The following TFPI2 variants were observed in gnomAD, a reference collection of about 807,000 sequenced individuals.
TFPI2 encodes the protein placental protein 5.
Under a neutral mutation model 23.1 loss-of-function variants are expected in TFPI2, and 23 were observed. That is an observed-to-expected ratio of 1.00 (90% CI 0.72 to 1.41). The LOEUF (loss-of-function observed/expected upper bound fraction) is 1.41, where lower values mean the gene tolerates loss of function less well. Among genes scored for constraint, TFPI2 ranks in the 40% most tolerant of loss-of-function variants. TFPI2 has a pLI of 0.00. For missense variants in TFPI2, 291 were observed against 299.6 expected (o/e 0.97, Z 0.21); for synonymous variants, 119 against 111.7 (o/e 1.07, Z -0.41).
Position 93,887,362 on chromosome 7 carries a change from T to C in TFPI2, c.530A>G (p.Asn177Ser). 6.2e-7 allele frequency: 1 copy of C among 1,613,888 alleles called. No individual in the cohort carries two copies. The highest frequency in any genetic ancestry group is 8.5e-7 in the Non-Finnish European group (1 of 1,179,844). The stretch of plus-strand genomic sequence containing the variant: ...AGCATCACAGGTTCTGTATCTTGGA[T>C]TAAAATAATAGCGAGTCACATTGGC... Reference protein sequence around the residue: ...CSANVTRYYFNPRYRTCDAFT... With the variant: ...CSANVTRYYFSPRYRTCDAFT... Residue 177 changes from asparagine (N) to serine (S), a missense_variant, in exon 4 of 5, where the codon AAT becomes AGT. Transcript: ENST00000222543.
At chr7:93,887,926 C>A (rs1182359187) in intron 3 of TFPI2, among the ~76,000 whole-genome samples, 2 of 152,232 alleles carry the variant, frequency 1.3e-5, no homozygotes, top group African/African-American at 4.8e-5. Flanking sequence ...CACATTAACT[C>A]AAGATTTTGC....
intron 4 of TFPI2, 108 bp from the exon 5 acceptor site, chr7:93,887,004 G>T (rs1794005706): frequency 7.9e-6 from 7 of 883,024 alleles, no homozygotes; most frequent in Non-Finnish European, 1.0e-5. Context: ...TTATTTTTAA[G>T]GACTGTGAAG....
At chr7:93,887,681 G>A (rs1215517173) in intron 3 of TFPI2, among the ~76,000 whole-genome samples, 1 of 152,162 alleles carries the variant, frequency 6.6e-6, no homozygotes, top group Non-Finnish European at 1.5e-5. Flanking sequence ...TCCTTTAAAT[G>A]TAAAAAGAAG....
chr7:93,886,814 G>T lies in TFPI2; in HGVS notation c.*6C>A. On this transcript the variant is annotated 3_prime_UTR_variant, in exon 5 of 5. Transcript: ENST00000222543. Reference sequence around the variant, plus strand: ...AAAGACAAACAAGATGACATATTAAGAATGTTTAAAATTGCTTCTTCCGAA... The same window carrying T: ...AAAGACAAACAAGATGACATATTAATAATGTTTAAAATTGCTTCTTCCGAA... 1.3e-6 allele frequency: 2 copies of T among 1,540,422 alleles called. No individual in the cohort carries two copies. Among genetic ancestry groups the T allele is most frequent in the Non-Finnish European group, 8.7e-7 (1 of 1,150,804 alleles).
rs754410994 is a variant in TFPI2, at chr7:93,888,590, A to AAAGAGAAAGAAAGAAAGAAG, written c.460+444_460+445insCTTCTTTCTTTCTTTCTCTT. On this transcript the variant is annotated intron_variant, in intron 3 of 4. Coordinates refer to ENST00000222543, the MANE Select transcript of TFPI2 (RefSeq NM_006528.4). ...GAAGGAAGGAAGGAAGGAAGGAAAG[A>AAAGAGAAAGAAAGAAAGAAG]GAAAGAAAGAAAGAAAGAGAAAAAG... 7.1e-5 allele frequency among the ~76,000 whole-genome samples: 3 copies of AAAGAGAAAGAAAGAAAGAAG among 42,290 alleles called. No homozygotes were observed. In the African/African-American group the frequency reaches 1.4e-3, roughly 20 times the overall value. The allele number at this position is 42,290 out of a possible 152,430, so 27.7% of individuals were successfully genotyped here.
At chr7:93,889,250 T>C (rs769901232) in intron 2 of TFPI2, 27 bp from the exon 3 acceptor site, 4 of 1,535,016 alleles carry the variant, frequency 2.6e-6, no homozygotes, top group African/African-American at 2.8e-5. Context: ...AATAGAACAA[T>C]GTTAGTCAAA....
intron 4 of TFPI2, 83 bp downstream of exon 4, chr7:93,887,178 A>C: frequency 7.3e-7 from 1 of 1,369,030 alleles, no homozygotes; most frequent in Non-Finnish European, 9.8e-7. Flanking sequence ...TGCTATTAGT[A>C]AAATGGATAA....
At chr7:93,889,434 A>G (rs1224480346) in intron 2 of TFPI2, among the ~76,000 whole-genome samples, 1 of 152,014 alleles carries the variant, frequency 6.6e-6, no homozygotes, top group African/African-American at 2.4e-5. Context: ...GTATCTTTCA[A>G]GTTCAGTAGA....
At position 93,887,432 on chromosome 7, in the gene TFPI2, C is replaced by A. The variant is rs781057804; in HGVS notation, c.461-1G>T. On this transcript the variant is annotated splice_acceptor_variant, in intron 3 of 4. Coordinates refer to ENST00000222543, the MANE Select transcript of TFPI2 (RefSeq NM_006528.4). LOFTEE classifies it high-confidence loss of function. The stretch of plus-strand genomic sequence containing the variant: ...TTTGGACTGTAGCAAAATGATGGAA[C>A]TTTATAAAAAAGAGAAGAAAATTAG... 6.2e-6 allele frequency: 10 copies of A among 1,601,744 alleles called. No individual in the cohort carries two copies. Among genetic ancestry groups the A allele is most frequent in the Non-Finnish European group, 8.5e-6 (10 of 1,176,194 alleles).
At position 93,887,425 on chromosome 7, in the gene TFPI2, G is replaced by C; in HGVS notation, c.467C>G (p.Ser156Ter). 1 of 1,602,506 alleles carries C rather than the reference G, an allele frequency of 6.2e-7. No homozygotes were observed. The highest frequency in any genetic ancestry group is 2.2e-5 in the East Asian group (1 of 44,716). ...MGFCAPKKIP[S>*]FCYSPKDEGL... is the part of the protein sequence containing the mutation. ...CTCATCTTTTGGACTGTAGCAAAAT[G>C]ATGGAACTTTATAAAAAAGAGAAGA... The change falls in exon 4 of 5, where the codon TCA becomes TGA. Residue 156 changes from serine to a stop codon, truncating the protein, a stop_gained. Coordinates refer to ENST00000222543, the MANE Select transcript of TFPI2 (RefSeq NM_006528.4). LOFTEE classifies it high-confidence loss of function.
At position 93,890,322 on chromosome 7, in the gene TFPI2, G is replaced by T. The variant is rs774182719; in HGVS notation, c.89-3C>A. ...GAGACAGATCTCCGCGTTATTTCCT[G>T]AAGAAGGGGCAGAAGGAGAGCAAAA... is the stretch of plus-strand genomic sequence containing the variant. On this transcript the variant is annotated splice_region_variant and splice_polypyrimidine_tract_variant and intron_variant, in intron 1 of 4. Coordinates refer to ENST00000222543, the MANE Select transcript of TFPI2 (RefSeq NM_006528.4). 3 of 1,603,174 alleles carry T rather than the reference G, an allele frequency of 1.9e-6. No homozygotes were observed. The South Asian group carries it at 3.3e-5, about 18-fold the overall frequency.
chr7:93,888,995 CA>C (rs763373486), intron 3 of TFPI2, 39 bp downstream of exon 3: 6 of 1,553,996 alleles, frequency 3.9e-6, no homozygotes, highest in Non-Finnish European at 4.3e-6. Context: ...AATGTCTTTT[CA>C]AAAAAGTGAA....
Position 93,890,419 on chromosome 7 carries a change from G to A in TFPI2, c.89-100C>T. On this transcript the variant is annotated intron_variant, in intron 1 of 4. Transcript: ENST00000222543. The stretch of plus-strand genomic sequence containing the variant: ...CGGGGAGTTCTGTCCCCTTCCGAGC[G>A]GAGGGGCCTCTGCAGAGAAAGTGCA... The A allele has an allele frequency of 2.7e-6, 4 of 1,461,118 alleles. No homozygotes were observed. In the South Asian group the frequency reaches 4.1e-5, roughly 15 times the overall value. 90.5% of individuals were successfully genotyped at this position (1,461,118 alleles called of 1,614,324 possible).
chr7:93,890,474 G>T, intron 1 of TFPI2, 117 bp downstream of exon 1: 2 of 1,428,164 alleles, frequency 1.4e-6, no homozygotes, highest in Non-Finnish European at 1.9e-6. Flanking sequence ...CCTGCCAGCG[G>T]AGCGCGCGGC....
chr7:93,887,948 A>C (rs1204983917), intron 3 of TFPI2, among the ~76,000 whole-genome samples: 2 of 152,254 alleles, frequency 1.3e-5, no homozygotes, highest in African/African-American at 4.8e-5. Flanking sequence ...TATTCAACAC[A>C]GTACAGCTAT....
intron 2 of TFPI2, 77 bp from the exon 3 acceptor site, chr7:93,889,300 C>T: frequency 7.4e-7 from 1 of 1,342,694 alleles, no homozygotes; most frequent in Non-Finnish European, 1.0e-6. Flanking sequence ...TTTTCAGCAA[C>T]ATTTTGTGGG....
At chr7:93,890,502 G>A in intron 1 of TFPI2, 89 bp downstream of exon 1, 1 of 1,475,412 alleles carries the variant, frequency 6.8e-7, no homozygotes, top group South Asian at 1.3e-5. Context: ...TGGAGAAAGC[G>A]AGGCTTGGAG....
chr7:93,889,227 G>A lies in TFPI2; in HGVS notation c.272-4C>T, dbSNP rs758340365. ...AGCCGGCAAACTTTGGGAACTTCTAGGAAAAGGAGGGTAATAGAACAATGT... is the reference window on the plus strand; with the variant it reads ...AGCCGGCAAACTTTGGGAACTTCTAAGAAAAGGAGGGTAATAGAACAATGT... On this transcript the variant is annotated splice_region_variant and splice_polypyrimidine_tract_variant and intron_variant, in intron 2 of 4. Transcript: ENST00000222543. The A allele has an allele frequency of 4.4e-6, 7 of 1,574,700 alleles. No homozygotes were observed. The African/African-American group carries it at 9.6e-5, about 22-fold the overall frequency.
chr7:93,886,884 T>G lies in TFPI2; in HGVS notation c.644A>C (p.Lys215Thr), dbSNP rs775345572. 3.2e-6 allele frequency: 5 copies of G among 1,549,584 alleles called. No homozygotes were observed. Among genetic ancestry groups the G allele is most frequent in the Non-Finnish European group, 1.7e-6 (2 of 1,162,674 alleles). Residue 215 changes from lysine to threonine, a missense_variant, in exon 5 of 5, where the codon AAA becomes ACA. Physicochemically the swap from Lys to Thr is moderately conservative, Grantham distance 78 (BLOSUM62 -1). Transcript: ENST00000222543. ...AAAGCGAAGCTTTGGCATCTTCTTTTTCTTTTTCAAAGCTAAAATCAATAA... is the reference window on the plus strand; with the variant it reads ...AAAGCGAAGCTTTGGCATCTTCTTTGTCTTTTTCAAAGCTAAAATCAATAA... ...KRACAKALKK[K>T]KKMPKLRFAS... is the part of the protein sequence containing the mutation.
Sources: gnomAD v4.1 joint callset for allele counts (sites outside exome capture counted in the v4.1 genomes callset) on GRCh38, gnomAD v4.1.1 for gene constraint, MANE v1.5 for transcripts, NCBI Gene and HGNC (gene_info 2026-07-23, HGNC 2026-07-21) for gene names.